METTL16: variants seen among roughly 807,000 people sequenced by gnomAD.
METTL16 encodes methyltransferase 16, RNA N6-adenosine.
A neutral mutation model predicts 57.9 loss-of-function variants in METTL16; 19 were observed. The observed-to-expected ratio is 0.33, with a 90% CI of 0.23 to 0.48. The LOEUF (loss-of-function observed/expected upper bound fraction) is 0.48. Among genes scored for constraint, METTL16 ranks in the 20% least tolerant of loss-of-function variants. METTL16 has a pLI of 0.99. For synonymous variants in METTL16, 246 were observed against 255.6 expected (o/e 0.96, Z 0.36); for missense variants, 434 against 691.5 (o/e 0.63, Z 4.18).
chr17:2,462,675 G>C (rs905324958), intron 6 of METTL16, among the ~76,000 whole-genome samples: 1 of 152,064 alleles, frequency 6.6e-6, no homozygotes, highest in East Asian at 1.9e-4. Context: ...TGATGTGCCT[G>C]CTTCCCCTTC....
intron 4 of METTL16, among the ~76,000 whole-genome samples, chr17:2,472,401 C>T (rs966598178): frequency 7.2e-5 from 11 of 152,148 alleles, no homozygotes; most frequent in African/African-American, 2.7e-4. Flanking sequence ...CAAAATTAAA[C>T]ATACTATTAC....
intron 5 of METTL16, among the ~76,000 whole-genome samples, chr17:2,464,682 GT>G (rs946917447): frequency 2.4e-4 from 37 of 151,998 alleles, no homozygotes; most frequent in Non-Finnish European, 4.4e-4. Flanking sequence ...ATATTTACTT[GT>G]TTTTTCCTAG....
intron 8 of METTL16, among the ~76,000 whole-genome samples, chr17:2,435,588 T>C (rs2066903337): frequency 6.6e-6 from 1 of 152,196 alleles, no homozygotes; most frequent in Admixed American, 6.5e-5. Flanking sequence ...AAATCAGGAA[T>C]TGCCGTTTTT....
chr17:2,487,555 G>T (rs2067352832), intron 2 of METTL16, among the ~76,000 whole-genome samples: 1 of 152,154 alleles, frequency 6.6e-6, no homozygotes, highest in South Asian at 2.1e-4. Context: ...AGGCAAGAGG[G>T]TATCCATGAA....
At chr17:2,434,286 C>A (rs1424151091) in intron 8 of METTL16, among the ~76,000 whole-genome samples, 2 of 152,252 alleles carry the variant, frequency 1.3e-5, no homozygotes, top group Non-Finnish European at 2.9e-5. Context: ...GTAACCTCCG[C>A]CCACTGTAAC....
At chr17:2,427,121 G>A (rs1294214599) in intron 8 of METTL16, among the ~76,000 whole-genome samples, 2 of 152,266 alleles carry the variant, frequency 1.3e-5, no homozygotes, top group East Asian at 3.9e-4. Flanking sequence ...ACTCCAGCCT[G>A]GGCAACGGAG....
chr17:2,493,404 AC>A lies in METTL16; in HGVS notation c.128+8799del, dbSNP rs546876325. On this transcript the variant is annotated intron_variant, in intron 2 of 9. Transcript: ENST00000263092. ...CCCAGCCCAGTAATTCTTCTTTAAT[AC>A]AACTGACAGAATTAAATACAAAGCC... is the stretch of plus-strand genomic sequence containing the variant. 1.5e-4 allele frequency among the ~76,000 whole-genome samples: 23 copies of A among 151,322 alleles called. No individual in the cohort carries two copies. In the South Asian group the frequency reaches 4.6e-3, roughly 30 times the overall value.
intron 7 of METTL16, among the ~76,000 whole-genome samples, chr17:2,438,812 T>A (rs920557658): frequency 3.3e-5 from 5 of 152,200 alleles, no homozygotes; most frequent in African/African-American, 1.2e-4. Flanking sequence ...TTTTTTGTTT[T>A]CTTTTTTAGA....
At chr17:2,480,499 C>T (rs1009066622) in intron 2 of METTL16, among the ~76,000 whole-genome samples, 1 of 152,166 alleles carries the variant, frequency 6.6e-6, no homozygotes, top group Non-Finnish European at 1.5e-5. Context: ...ACGCTCCCAT[C>T]GCTACGAGCA....
chr17:2,487,432 C>T (rs1047277929), intron 2 of METTL16, among the ~76,000 whole-genome samples: 1 of 152,198 alleles, frequency 6.6e-6, no homozygotes, highest in Non-Finnish European at 1.5e-5. Context: ...GCTTTGAAAA[C>T]TCCTTTAATA....
intron 2 of METTL16, among the ~76,000 whole-genome samples, chr17:2,480,914 G>A (rs961838121): frequency 6.6e-6 from 1 of 152,112 alleles, no homozygotes; most frequent in Non-Finnish European, 1.5e-5. Context: ...TGAAAAACAG[G>A]ATATTGGGCT....
intron 2 of METTL16, among the ~76,000 whole-genome samples, chr17:2,497,566 C>T (rs1050789661): frequency 1.3e-5 from 2 of 151,444 alleles, no homozygotes; most frequent in Non-Finnish European, 2.9e-5. Flanking sequence ...GCTGGCCTCT[C>T]AAAGTGCTGG....
chr17:2,507,568 C>T (rs1465941609), intron 1 of METTL16, among the ~76,000 whole-genome samples: 1 of 151,902 alleles, frequency 6.6e-6, no homozygotes, highest in Non-Finnish European at 1.5e-5. Flanking sequence ...TCTGCCCGGC[C>T]GCCCCTACTG....
At chr17:2,440,970 C>CAAAAAAAAAAAAAAA (rs760521188) in intron 7 of METTL16, among the ~76,000 whole-genome samples, 6 of 34,024 alleles carry the variant, frequency 1.8e-4, no homozygotes, top group Non-Finnish European at 4.6e-4. Context: ...GACTTGATCT[C>CAAAAAAAAAAAAAAA]AAAAAAAAAA....
In METTL16 at chr17:2,464,314, T is replaced by G. The variant is rs1298102715; in HGVS notation, c.622A>C (p.Ser208Arg). ...GTGATGCCTCCTGTATTAACAGAAC[T>G]AGGCGGAGGTCTTCGAGGATTTCGT... ...NSRNPRRPPP[S>R]SVNTGGITEI... The change falls in exon 6 of 10, where the codon AGT (serine) becomes CGT (arginine). Residue 208 changes from serine to arginine, a missense_variant. Around this residue, in one of 5 missense-constraint regions of METTL16, gnomAD observed 118 missense variants for 280.0 expected, o/e 0.42. Coordinates refer to ENST00000263092, the MANE Select transcript of METTL16 (RefSeq NM_024086.4). 6.2e-7 allele frequency: 1 copy of G among 1,607,966 alleles called. No homozygotes were observed. Among genetic ancestry groups the G allele is most frequent in the Admixed American group, 1.7e-5 (1 of 58,076 alleles).
chr17:2,446,385 G>A (rs906017498), intron 6 of METTL16, among the ~76,000 whole-genome samples: 1 of 152,156 alleles, frequency 6.6e-6, no homozygotes, highest in African/African-American at 2.4e-5. Context: ...TTACATCACA[G>A]AAGACATGGT....
At chr17:2,466,771 T>C (rs986454458) in intron 5 of METTL16, among the ~76,000 whole-genome samples, 8 of 152,186 alleles carry the variant, frequency 5.3e-5, no homozygotes, top group African/African-American at 1.9e-4. Flanking sequence ...TTGTATTATT[T>C]TTCATTGTTA....
intron 1 of METTL16, among the ~76,000 whole-genome samples, chr17:2,504,909 A>G (rs2067518852): frequency 6.6e-6 from 1 of 152,112 alleles, no homozygotes; most frequent in Non-Finnish European, 1.5e-5. Context: ...CAAGGACTGA[A>G]TATTTGGTAG....
chr17:2,482,566 C>T (rs1410162096), intron 2 of METTL16, among the ~76,000 whole-genome samples: 1 of 152,170 alleles, frequency 6.6e-6, no homozygotes, highest in Non-Finnish European at 1.5e-5. Context: ...CAAAAGACTT[C>T]ATTTAAGGCT....
Sources: gnomAD v4.1 joint callset for allele counts (sites outside exome capture counted in the v4.1 genomes callset) on GRCh38, gnomAD v4.1.1 for gene constraint, gnomAD v4.1.1 regional missense constraint, MANE v1.5 for transcripts, NCBI Gene and HGNC (gene_info 2026-07-23, HGNC 2026-07-21) for gene names.